Variants in DIP2B observed in about 807,000 individuals in gnomAD.
DIP2B encodes disco-interacting protein 2 homolog B.
Under a neutral mutation model 198.0 loss-of-function variants are expected in DIP2B, and 76 were observed. The ratio of observed to expected loss-of-function variants is 0.38; its 90% CI spans 0.32 to 0.46. DIP2B has a LOEUF of 0.46. DIP2B is among the 20% of genes least tolerant of loss of function. The pLI, the probability that DIP2B is intolerant of heterozygous loss-of-function variation, is 0.99. For synonymous variants in DIP2B, 701 were observed against 739.1 expected (o/e 0.95, Z 0.84); for missense variants, 1,559 against 1,978.4 (o/e 0.79, Z 4.02).
At chr12:50,537,741 A>T (rs1285354429) in intron 1 of DIP2B, among the ~76,000 whole-genome samples, 1 of 152,206 alleles carries the variant, frequency 6.6e-6, no homozygotes, top group African/African-American at 2.4e-5. Context: ...GAGGAGAAAG[A>T]AGAGTCATCC....
Position 50,571,548 on chromosome 12 carries a change from G to GTTTTT in DIP2B, c.101-54410_101-54406dup, listed in dbSNP as rs71083600. 5.2e-4 allele frequency among the ~76,000 whole-genome samples: 45 copies of GTTTTT among 85,780 alleles called. 1 individual carries two copies. Among genetic ancestry groups the GTTTTT allele is most frequent in the African/African-American group, 1.0e-3 (20 of 19,932 alleles). The allele number at this position is 85,780 out of a possible 152,430, so 56.3% of individuals were successfully genotyped here. On this transcript the variant is annotated intron_variant, in intron 1 of 37. Transcript: ENST00000301180. ...TATCTGTGACCTTTGAAACCTAGGC[G>GTTTTT]TTTTTTTTTTTTTTTTTTTTTTGAG...
chr12:50,530,890 G>A (rs1358693716), intron 1 of DIP2B, among the ~76,000 whole-genome samples: 1 of 152,154 alleles, frequency 6.6e-6, no homozygotes, highest in Non-Finnish European at 1.5e-5. Flanking sequence ...GAATTTGAGA[G>A]GTTTTGGGGA....
At chr12:50,602,126 T>A (rs1016024882) in intron 1 of DIP2B, among the ~76,000 whole-genome samples, 1 of 152,244 alleles carries the variant, frequency 6.6e-6, no homozygotes, top group African/African-American at 2.4e-5. Context: ...TGTACTGAAG[T>A]AATTCCCACC....
chr12:50,595,634 C>T (rs931615318), intron 1 of DIP2B, among the ~76,000 whole-genome samples: 2 of 152,118 alleles, frequency 1.3e-5, no homozygotes, highest in Non-Finnish European at 2.9e-5. Flanking sequence ...GTATCAAGTA[C>T]GTCAAGATTA....
intron 1 of DIP2B, among the ~76,000 whole-genome samples, chr12:50,590,723 C>A (rs1958811800): frequency 6.6e-6 from 1 of 152,178 alleles, no homozygotes; most frequent in South Asian, 2.1e-4. Flanking sequence ...TTATTATGAT[C>A]ATTTCCAGTG....
chr12:50,543,023 A>C (rs1165710973), intron 1 of DIP2B, among the ~76,000 whole-genome samples: 1 of 151,618 alleles, frequency 6.6e-6, no homozygotes, highest in African/African-American at 2.4e-5. Context: ...GTGTGCCACC[A>C]TGCCTGGCTA....
At chr12:50,619,581 A>G (rs1052045591) in intron 1 of DIP2B, among the ~76,000 whole-genome samples, 1 of 152,154 alleles carries the variant, frequency 6.6e-6, no homozygotes, top group Non-Finnish European at 1.5e-5. Context: ...GCTTAATTAT[A>G]GAGTGTTAGT....
rs1205734576 is a variant in DIP2B, at chr12:50,664,830, G to GTTT, written c.427+4514_427+4516dup. On this transcript the variant is annotated intron_variant, in intron 4 of 37. Transcript: ENST00000301180. ...CAAGGAGAATTTCCCTCCTTTTTTG[G>GTTT]TTTTTGTTTTTTTTTTTTTTTTTTT... Among the ~76,000 whole-genome samples the GTTT allele has an allele frequency of 1.2e-3, 124 of 99,640 alleles. 45 individuals are homozygous for GTTT. Among genetic ancestry groups the GTTT allele is most frequent in the African/African-American group, 4.8e-3 (114 of 23,970 alleles). 65.4% of individuals were successfully genotyped at this position (99,640 alleles called of 152,430 possible).
At chr12:50,648,029 C>A (rs1018675440) in intron 3 of DIP2B, among the ~76,000 whole-genome samples, 9 of 152,072 alleles carry the variant, frequency 5.9e-5, no homozygotes, top group Non-Finnish European at 8.8e-5. Context: ...TTGCTTGAAC[C>A]CAGGAGGCGG....
chr12:50,664,842 T>TTG (rs1938721741), intron 4 of DIP2B, among the ~76,000 whole-genome samples: 1 of 1,894 alleles, frequency 5.3e-4, no homozygotes, highest in African/African-American at 7.4e-4. Flanking sequence ...TTTTGTTTTT[T>TTG]TTTTTTTTTT....
At chr12:50,579,612 A>T (rs1958696582) in intron 1 of DIP2B, among the ~76,000 whole-genome samples, 1 of 4,784 alleles carries the variant, frequency 2.1e-4, no homozygotes, top group Non-Finnish European at 4.3e-4. Flanking sequence ...ACTCCGTCTC[A>T]AAAAAAAAAA....
At chr12:50,535,005 G>A (rs1958251008) in intron 1 of DIP2B, among the ~76,000 whole-genome samples, 1 of 152,086 alleles carries the variant, frequency 6.6e-6, no homozygotes, top group African/African-American at 2.4e-5. Flanking sequence ...GAGGTGGGTG[G>A]GTCATTTGAG....
chr12:50,702,024 G>C (rs1425445390), intron 19 of DIP2B, among the ~76,000 whole-genome samples: 1 of 152,124 alleles, frequency 6.6e-6, no homozygotes, highest in Non-Finnish European at 1.5e-5. Flanking sequence ...CGCACTTTGA[G>C]AGGCTGAGGT....
chr12:50,635,914 A>C (rs984780320), intron 2 of DIP2B, among the ~76,000 whole-genome samples: 5 of 152,206 alleles, frequency 3.3e-5, no homozygotes, highest in African/African-American at 1.2e-4. Context: ...GTGAGGAGAC[A>C]GACAAGATCT....
intron 10 of DIP2B, among the ~76,000 whole-genome samples, chr12:50,684,297 A>C (rs1382028155): frequency 6.6e-6 from 1 of 152,178 alleles, no homozygotes; most frequent in Non-Finnish European, 1.5e-5. Context: ...GTGGAAAGTG[A>C]TGGTGTGATG....
rs759527287 is a variant in DIP2B, at chr12:50,671,229, A to C, written c.471A>C (p.Gln157His). ...AGGATGAGGGCTCTCTGAGACGCCA[A>C]GCTGCGCTCTCTGCTGCCTTGCAAC... ...ASEDEGSLRR[Q>H]AALSAALQQS... The change falls in exon 5 of 38, where the codon CAA becomes CAC. Residue 157 changes from glutamine to histidine, a missense_variant. Coordinates refer to ENST00000301180, the MANE Select transcript of DIP2B (RefSeq NM_173602.3). The C allele has an allele frequency of 1.2e-6, 2 of 1,614,184 alleles. No individual in the cohort carries two copies. The highest frequency in any genetic ancestry group is 2.2e-5 in the South Asian group (2 of 91,078).
chr12:50,549,557 G>C (rs921386503), intron 1 of DIP2B, among the ~76,000 whole-genome samples: 1 of 150,950 alleles, frequency 6.6e-6, no homozygotes, highest in Non-Finnish European at 1.5e-5. Flanking sequence ...AAATTAGCCA[G>C]GTGTGGTGGC....
intron 1 of DIP2B, among the ~76,000 whole-genome samples, chr12:50,590,335 G>A (rs993684120): frequency 1.3e-5 from 2 of 151,772 alleles, no homozygotes; most frequent in African/African-American, 4.8e-5. Flanking sequence ...CACTGGAGAA[G>A]TAATTGAGGA....
chr12:50,580,655 G>A (rs949982820), intron 1 of DIP2B, among the ~76,000 whole-genome samples: 1 of 144,156 alleles, frequency 6.9e-6, no homozygotes, highest in Non-Finnish European at 1.5e-5. Context: ...CAGTTCAGTT[G>A]TTCTGAACTG....
Sources: allele counts gnomAD v4.1 joint callset (sites outside exome capture counted in the v4.1 genomes callset), GRCh38; gene constraint gnomAD v4.1.1; transcripts MANE v1.5; gene names NCBI Gene and HGNC (gene_info 2026-07-23, HGNC 2026-07-21).